Variants in CHEK1 observed in about 807,000 individuals in gnomAD.
CHEK1 encodes the protein checkpoint kinase 1.
CHEK1 carries 32 observed loss-of-function variants against 60.2 expected under a neutral mutation model. The ratio of observed to expected loss-of-function variants is 0.53; its 90% CI spans 0.40 to 0.71. The LOEUF is 0.71. CHEK1 is among the 30% of genes least tolerant of loss of function. The pLI, the probability that CHEK1 is intolerant of heterozygous loss-of-function variation, is 0.00. For missense variants in CHEK1, 399 were observed against 564.6 expected (o/e 0.71, Z 2.97); for synonymous variants, 179 against 187.2 (o/e 0.96, Z 0.36).
At chr11:125,677,906 ATGTTCACCTGAAGGC>A (rs1285520661), downstream of CHEK1, 1 of 1,613,828 alleles carries the variant, frequency 6.2e-7, no homozygotes. Context: ...CACCGGAGCC[ATGTTCACCTGAAGGC>A]TGTTCATCTG....
chr11:125,634,187 G>T (rs1217429988), intron 6 of CHEK1, among the ~76,000 whole-genome samples: 1 of 151,910 alleles, frequency 6.6e-6, no homozygotes, highest in African/African-American at 2.4e-5. Flanking sequence ...TAGAGACAGG[G>T]TTTCACCATG....
chr11:125,662,200 C>T (rs778191513), intron 13 of CHEK1, among the ~76,000 whole-genome samples: 15 of 152,238 alleles, frequency 9.9e-5, no homozygotes, highest in Non-Finnish European at 1.9e-4. Context: ...ATTCTGGAGT[C>T]TGGGAAGTCC....
In CHEK1 at chr11:125,637,537, C is replaced by A. The variant is rs1157681500; in HGVS notation, c.807C>A (p.Leu269=). 2 of 1,604,154 alleles carry A rather than the reference C, an allele frequency of 1.2e-6. No homozygotes were observed. Among genetic ancestry groups the A allele is most frequent in the South Asian group, 1.1e-5 (1 of 89,422 alleles). The stretch of plus-strand genomic sequence containing the variant: ...AAGATAGATGGTACAACAAACCCCT[C>A]AAGAAAGGTAATATCCTTAAACTAC... ...IKKDRWYNKP[L]KKGAKRPRVT... is the part of the protein sequence containing the mutation. The change falls in exon 8 of 13, where the codon CTC becomes CTA. Residue 269 remains leucine (L), a synonymous_variant. Coordinates refer to ENST00000438015, the MANE Select transcript of CHEK1 (RefSeq NM_001114122.3).
intron 6 of CHEK1, among the ~76,000 whole-genome samples, chr11:125,634,425 C>T (rs913531983): frequency 1.3e-5 from 2 of 151,880 alleles, no homozygotes; most frequent in Non-Finnish European, 2.9e-5. Flanking sequence ...CAGGCTCAAG[C>T]GATCCTCCTG....
At chr11:125,660,057 T>C (rs1392088278), downstream of CHEK1, among the ~76,000 whole-genome samples, 1 of 152,108 alleles carries the variant, frequency 6.6e-6, no homozygotes, top group Non-Finnish European at 1.5e-5. Context: ...TTCGTGTGCG[T>C]GTGTGTGTGT....
rs2135972597 is a variant in CHEK1, at chr11:125,627,743, G to A, written c.202G>A (p.Val68Ile). The A allele has an allele frequency of 2.5e-6, 4 of 1,613,584 alleles. No homozygotes were observed. The highest frequency in any genetic ancestry group is 3.4e-6 in the Non-Finnish European group (4 of 1,179,810). The change falls in exon 3 of 13, where the codon GTA (valine) becomes ATA (isoleucine). Residue 68 changes from valine to isoleucine, a missense_variant. Physicochemically the swap from Val to Ile is conservative, Grantham distance 29 (BLOSUM62 3). Around this residue, in one of 2 missense-constraint regions of CHEK1, gnomAD observed 370 missense variants for 494.8 expected, o/e 0.75. Transcript: ENST00000438015. The part of the protein sequence containing the change: ...INKMLNHENV[V>I]KFYGHRREGN... Reference sequence around the variant, plus strand: ...TAAAATGCTAAATCATGAAAATGTAGTAAAATTCTATGGTCACAGGAGAGA... The same window carrying A: ...TAAAATGCTAAATCATGAAAATGTAATAAAATTCTATGGTCACAGGAGAGA...
chr11:125,628,935 A>G (rs2135976484), intron 3 of CHEK1, among the ~76,000 whole-genome samples: 1 of 152,348 alleles, frequency 6.6e-6, no homozygotes, highest in South Asian at 2.1e-4. Flanking sequence ...TTTCAAGGTT[A>G]CTAAATAAAT....
At chr11:125,626,616 T>A (rs1294657123) in intron 1 of CHEK1, 133 bp from the exon 2 acceptor site, 7 of 721,298 alleles carry the variant, frequency 9.7e-6, no homozygotes, top group East Asian at 2.6e-5. Context: ...AAGACTTGGA[T>A]AAATGTGGAT....
intron 11 of CHEK1, among the ~76,000 whole-genome samples, chr11:125,647,250 T>C (rs1303533278): frequency 6.6e-6 from 1 of 152,134 alleles, no homozygotes; most frequent in African/African-American, 2.4e-5. Flanking sequence ...GAAGATATGT[T>C]TTACTATTAG....
intron 8 of CHEK1, among the ~76,000 whole-genome samples, chr11:125,641,907 A>G (rs1167192984): frequency 2.6e-5 from 4 of 152,090 alleles, no homozygotes; most frequent in East Asian, 1.9e-4. Flanking sequence ...AAATCCTCCA[A>G]TGCTTTAGTT....
chr11:125,651,900 T>C (rs1288683411), intron 11 of CHEK1, among the ~76,000 whole-genome samples: 2 of 152,242 alleles, frequency 1.3e-5, no homozygotes, highest in Non-Finnish European at 2.9e-5. Flanking sequence ...AATGGACTTC[T>C]GGAGTTCTTT....
intron 13 of CHEK1, chr11:125,675,852 C>CT (rs1942478807): frequency 6.5e-6 from 1 of 154,366 alleles, no homozygotes; most frequent in African/African-American, 2.4e-5. Context: ...GGAAGGGCAT[C>CT]TATCTCTTCA....
Position 125,633,250 on chromosome 11 carries a change from T to C in CHEK1, c.512T>C (p.Leu171Ser), listed in dbSNP as rs1234061120. Residue 171 changes from leucine (L) to serine (S), a missense_variant, in exon 6 of 13, where the codon TTA becomes TCA. Coordinates refer to ENST00000438015, the MANE Select transcript of CHEK1 (RefSeq NM_001114122.3). Reference sequence around the variant, plus strand: ...TTGTTGAACAAGATGTGTGGTACTTTACCATATGTTGCTCCAGAACTTCTG... The same window carrying C: ...TTGTTGAACAAGATGTGTGGTACTTCACCATATGTTGCTCCAGAACTTCTG... The part of the protein sequence containing the change: ...ERLLNKMCGT[L>S]PYVAPELLKR... 6.2e-7 allele frequency: 1 copy of C among 1,607,516 alleles called. No individual in the cohort carries two copies. Among genetic ancestry groups the C allele is most frequent in the Non-Finnish European group, 8.5e-7 (1 of 1,178,320 alleles).
intron 5 of CHEK1, among the ~76,000 whole-genome samples, chr11:125,631,488 A>G (rs1051143851): frequency 6.6e-6 from 1 of 152,128 alleles, no homozygotes; most frequent in Non-Finnish European, 1.5e-5. Context: ...ATAGTTATCC[A>G]TTAGTATTTT....
At position 125,629,545 on chromosome 11, in the gene CHEK1, C is replaced by T. The variant is rs994584212; in HGVS notation, c.424+85C>T. ...AATTACCTAATTATTTTAATATAGCCATACAAGGCAAAATCAAGTCTTTTT... is the reference window on the plus strand; with the variant it reads ...AATTACCTAATTATTTTAATATAGCTATACAAGGCAAAATCAAGTCTTTTT... On this transcript the variant is annotated intron_variant, in intron 5 of 12. Transcript: ENST00000438015. 10 of 977,644 alleles carry T rather than the reference C, an allele frequency of 1.0e-5. No homozygotes were observed. The African/African-American group carries it at 1.7e-4, about 16-fold the overall frequency. 60.6% of individuals were successfully genotyped at this position (977,644 alleles called of 1,614,324 possible).
At chr11:125,661,826 A>T (rs1263487597), downstream of CHEK1, among the ~76,000 whole-genome samples, 1 of 152,154 alleles carries the variant, frequency 6.6e-6, no homozygotes, top group Non-Finnish European at 1.5e-5. Context: ...ATGTGTTTCT[A>T]TGTGAATATA....
intron 13 of CHEK1, chr11:125,672,484 G>A (rs565475106): frequency 1.5e-6 from 2 of 1,293,330 alleles, no homozygotes; most frequent in East Asian, 4.6e-5. Context: ...TCAGGCAGAG[G>A]CAGATGTGGT....
At chr11:125,677,741 T>G, downstream of CHEK1, 1 of 1,598,310 alleles carries the variant, frequency 6.3e-7, no homozygotes, top group South Asian at 1.1e-5. Flanking sequence ...TTTCTTGATG[T>G]GTTCCCCATT....
At chr11:125,647,588 A>T (rs1478751369) in intron 11 of CHEK1, among the ~76,000 whole-genome samples, 1 of 152,114 alleles carries the variant, frequency 6.6e-6, no homozygotes, top group Non-Finnish European at 1.5e-5. Context: ...AAGAGATTAC[A>T]TTGGGGAGTA....
Sources: allele counts gnomAD v4.1 joint callset (sites outside exome capture counted in the v4.1 genomes callset), GRCh38; gene constraint gnomAD v4.1.1; regional missense constraint gnomAD v4.1.1; transcripts MANE v1.5; gene names NCBI Gene and HGNC (gene_info 2026-07-23, HGNC 2026-07-21).